Variants in FRMD4B observed in about 807,000 individuals in gnomAD.
The protein encoded by FRMD4B is FERM domain-containing protein 4B.
In FRMD4B, 74 loss-of-function variants were observed where a neutral mutation model predicts 141.5. The observed-to-expected ratio is 0.52, with a 90% CI of 0.43 to 0.63. The LOEUF is 0.63. Ranked by LOEUF, FRMD4B falls within the 30% of genes least tolerant of loss-of-function variation. FRMD4B has a pLI of 0.00. For missense variants in FRMD4B, 1,366 were observed against 1,253.4 expected (o/e 1.09, Z -1.36); for synonymous variants, 506 against 467.9 (o/e 1.08, Z -1.05).
chr3:69,274,272 C>T (rs1197020832), intron 5 of FRMD4B, among the ~76,000 whole-genome samples: 1 of 152,078 alleles, frequency 6.6e-6, no homozygotes, highest in African/African-American at 2.4e-5. Context: ...TATATATTAA[C>T]TCATCCATTG....
chr3:69,210,551 G>C (rs2093065491), intron 11 of FRMD4B, among the ~76,000 whole-genome samples: 1 of 151,938 alleles, frequency 6.6e-6, no homozygotes, highest in Non-Finnish European at 1.5e-5. Flanking sequence ...CACAAAGGGA[G>C]GATTAAAAAG....
intron 1 of FRMD4B, among the ~76,000 whole-genome samples, chr3:69,367,986 ATG>A (rs1703715052): frequency 1.3e-5 from 2 of 152,240 alleles, no homozygotes; most frequent in Non-Finnish European, 2.9e-5. Flanking sequence ...TTTCACCTAT[ATG>A]ACATATATCA....
chr3:69,268,901 A>G (rs900606585), intron 5 of FRMD4B, among the ~76,000 whole-genome samples: 42 of 151,470 alleles, frequency 2.8e-4, no homozygotes, highest in African/African-American at 9.8e-4. Flanking sequence ...GTGGTTATAT[A>G]TGATCAAGTA....
intron 1 of FRMD4B, among the ~76,000 whole-genome samples, chr3:69,488,203 T>C (rs758709113): frequency 1.3e-5 from 2 of 152,186 alleles, no homozygotes; most frequent in Non-Finnish European, 2.9e-5. Flanking sequence ...GATCTGAGAA[T>C]TGCCTGAAGG....
At chr3:69,534,079 A>G (rs58603446) in intron 1 of FRMD4B, among the ~76,000 whole-genome samples, 36,466 of 152,042 alleles carry the variant, frequency 0.24, 4,656 homozygotes, top group African/African-American at 0.31. Context: ...TACCAGATCT[A>G]CTGAATCAGA....
chr3:69,341,862 T>C (rs1489328994), intron 1 of FRMD4B, among the ~76,000 whole-genome samples: 1 of 152,246 alleles, frequency 6.6e-6, no homozygotes, highest in Admixed American at 6.5e-5. Context: ...CCCTTGATCT[T>C]AGATGTCCCA....
chr3:69,173,220 C>A (rs2092607289), intron 22 of FRMD4B, among the ~76,000 whole-genome samples: 1 of 152,078 alleles, frequency 6.6e-6, no homozygotes, highest in African/African-American at 2.4e-5. Context: ...CAGTTGGCAG[C>A]AGTAGAGCCA....
At chr3:69,289,790 ACT>A (rs1028684701) in intron 4 of FRMD4B, among the ~76,000 whole-genome samples, 10 of 152,024 alleles carry the variant, frequency 6.6e-5, no homozygotes, top group African/African-American at 9.7e-5. Flanking sequence ...ACAGAGGGAG[ACT>A]CTGTCTCAAA....
intron 5 of FRMD4B, among the ~76,000 whole-genome samples, chr3:69,285,610 G>A (rs546969029): frequency 2.0e-5 from 3 of 151,930 alleles, no homozygotes; most frequent in South Asian, 2.1e-4. Context: ...TGGGAGGCTC[G>A]AGGCAGGTGG....
chr3:69,329,516 A>ATTTTTTTTTT (rs10554375), intron 1 of FRMD4B, among the ~76,000 whole-genome samples: 5 of 55,574 alleles, frequency 9.0e-5, no homozygotes, highest in South Asian at 9.6e-4. Context: ...TGCCCAGCTA[A>ATTTTTTTTTT]TTTTTTTTTT....
intron 19 of FRMD4B, among the ~76,000 whole-genome samples, chr3:69,187,444 C>T (rs1282797068): frequency 6.6e-6 from 1 of 150,918 alleles, no homozygotes; most frequent in East Asian, 2.0e-4. Context: ...GAGGCTGAGG[C>T]AGGAGAATTG....
chr3:69,189,712 C>T (rs1386490114), intron 18 of FRMD4B, among the ~76,000 whole-genome samples, 184 bp downstream of exon 18: 2 of 152,204 alleles, frequency 1.3e-5, no homozygotes, highest in African/African-American at 2.4e-5. Context: ...GTTATTAACG[C>T]TGAGTTAACC....
chr3:69,454,262 G>A (rs528495335), intron 1 of FRMD4B, among the ~76,000 whole-genome samples: 12 of 152,232 alleles, frequency 7.9e-5, no homozygotes, highest in South Asian at 2.1e-4. Flanking sequence ...AAGTAGGAAC[G>A]TTGGGAGGTG....
At chr3:69,295,969 A>G (rs896772808) in intron 4 of FRMD4B, among the ~76,000 whole-genome samples, 1 of 152,080 alleles carries the variant, frequency 6.6e-6, no homozygotes, top group Non-Finnish European at 1.5e-5. Context: ...GGTGTGCACC[A>G]CCACACCTGG....
At chr3:69,248,821 C>T (rs759999234) in intron 7 of FRMD4B, among the ~76,000 whole-genome samples, 1 of 152,248 alleles carries the variant, frequency 6.6e-6, no homozygotes, top group Non-Finnish European at 1.5e-5. Flanking sequence ...AAAGAAAGCC[C>T]CTATTAATCC....
At chr3:69,259,764 TC>T (rs1213681034) in intron 5 of FRMD4B, among the ~76,000 whole-genome samples, 12 of 152,270 alleles carry the variant, frequency 7.9e-5, no homozygotes, top group African/African-American at 2.9e-4. Context: ...TAATTTGTCT[TC>T]CTCTTTGCAA....
At chr3:69,389,160 A>C (rs142033055), upstream of FRMD4B, among the ~76,000 whole-genome samples, 1,172 of 151,492 alleles carry the variant, frequency 7.7e-3, 20 homozygotes, top group East Asian at 0.072. Context: ...CAGCCTCCCG[A>C]GTAGCTGGAA....
intron 2 of FRMD4B, among the ~76,000 whole-genome samples, chr3:69,425,436 A>G (rs1292819518): frequency 1.3e-5 from 2 of 152,218 alleles, no homozygotes; most frequent in Non-Finnish European, 2.9e-5. Flanking sequence ...TCCTGTTCAC[A>G]CAGCACACCC....
chr3:69,291,724 T>G (rs1700881634), intron 4 of FRMD4B, among the ~76,000 whole-genome samples: 1 of 152,132 alleles, frequency 6.6e-6, no homozygotes, highest in Non-Finnish European at 1.5e-5. Context: ...AATTGTCCCT[T>G]GGTTTCTGCT....
Sources: gnomAD v4.1 joint callset for allele counts (sites outside exome capture counted in the v4.1 genomes callset) on GRCh38, gnomAD v4.1.1 for gene constraint, MANE v1.5 for transcripts, NCBI Gene and HGNC (gene_info 2026-07-23, HGNC 2026-07-21) for gene names.